CLDN16: variants seen among roughly 807,000 people sequenced by gnomAD.
The protein encoded by CLDN16 is claudin 16.
CLDN16 carries 13 observed loss-of-function variants against 24.6 expected under a neutral mutation model. The observed-to-expected ratio is 0.53, with a 90% CI of 0.34 to 0.84. The LOEUF is 0.84. Ranked by LOEUF, CLDN16 falls within the 40% of genes least tolerant of loss-of-function variation. CLDN16 has a pLI of 0.01. For synonymous variants in CLDN16, 116 were observed against 106.7 expected (o/e 1.09, Z -0.54); for missense variants, 298 against 292.7 (o/e 1.02, Z -0.13).
the CLDN16 span, among the ~76,000 whole-genome samples, chr3:190,302,779 A>ATAT: frequency 8.6e-5 from 12 of 140,180 alleles, no homozygotes; most frequent in African/African-American, 2.7e-4. Flanking sequence ...CTCAAAAAAA[A>ATAT]ATATATATAT....
At chr3:190,346,123 G>A (rs1160140520) in intron 1 of CLDN16, among the ~76,000 whole-genome samples, 2 of 152,030 alleles carry the variant, frequency 1.3e-5, no homozygotes, top group African/African-American at 4.8e-5. Context: ...AACCAGGAAG[G>A]AACTCCCTTA....
At chr3:190,350,323 T>G (rs1309085803) in intron 1 of CLDN16, among the ~76,000 whole-genome samples, 1 of 144,460 alleles carries the variant, frequency 6.9e-6, no homozygotes, top group Non-Finnish European at 1.5e-5. Context: ...ACTTGAAGTT[T>G]AAGAATCATA....
intron 1 of CLDN16, among the ~76,000 whole-genome samples, chr3:190,333,121 A>G (rs367674571): frequency 2.2e-4 from 33 of 152,304 alleles, no homozygotes; most frequent in African/African-American, 7.7e-4. Flanking sequence ...AGGTTGATAA[A>G]CAACTGAGAC....
chr3:190,317,022 C>CT, the CLDN16 span, among the ~76,000 whole-genome samples: 1 of 152,014 alleles, frequency 6.6e-6, no homozygotes, highest in South Asian at 2.1e-4. Flanking sequence ...AGTTTTGTTT[C>CT]TTTTTGCCCT....
At chr3:190,337,290 T>A (rs960065572) in intron 1 of CLDN16, among the ~76,000 whole-genome samples, 5 of 152,162 alleles carry the variant, frequency 3.3e-5, no homozygotes, top group Non-Finnish European at 5.9e-5. Flanking sequence ...AACAAAGCAA[T>A]GTTTTCATAT....
intron 3 of CLDN16, among the ~76,000 whole-genome samples, chr3:190,381,444 T>C (rs1343700854): frequency 6.6e-6 from 1 of 152,084 alleles, no homozygotes; most frequent in Non-Finnish European, 1.5e-5. Context: ...AAGGTTACCA[T>C]CACCTGCCAC....
intron 3 of CLDN16, among the ~76,000 whole-genome samples, chr3:190,379,258 A>T (rs1718308388): frequency 6.6e-6 from 1 of 152,082 alleles, no homozygotes; most frequent in Admixed American, 6.6e-5. Context: ...TATTAAAATG[A>T]TTAGCCTCTT....
chr3:190,300,069 C>T, the CLDN16 span, among the ~76,000 whole-genome samples: 2 of 152,170 alleles, frequency 1.3e-5, no homozygotes, highest in East Asian at 3.8e-4. Flanking sequence ...AAAACCAAAG[C>T]TCTATTGGCT....
At chr3:190,404,740 A>C (rs753155250) in intron 2 of CLDN16, 22 bp from the exon 3 acceptor site, 1 of 1,613,624 alleles carries the variant, frequency 6.2e-7, no homozygotes, top group Admixed American at 1.7e-5. Context: ...CTCTGCTTTA[A>C]CCATATGCCC....
chr3:190,361,541 A>G (rs1717887908), intron 1 of CLDN16, among the ~76,000 whole-genome samples: 1 of 151,952 alleles, frequency 6.6e-6, no homozygotes, highest in Non-Finnish European at 1.5e-5. Context: ...TAGCTACAAG[A>G]TTAGAAATTA....
intron 3 of CLDN16, among the ~76,000 whole-genome samples, chr3:190,375,030 A>G (rs1001780814): frequency 3.3e-5 from 5 of 151,952 alleles, no homozygotes; most frequent in Non-Finnish European, 7.4e-5. Context: ...ATATACTTAT[A>G]AAACTTTTAA....
At chr3:190,336,544 G>A (rs964518368) in intron 1 of CLDN16, among the ~76,000 whole-genome samples, 18 of 152,158 alleles carry the variant, frequency 1.2e-4, no homozygotes, top group African/African-American at 2.2e-4. Flanking sequence ...AAAGTTCCCC[G>A]TTTTCAGTGA....
the CLDN16 span, chr3:190,306,438 G>GTTAATTCC: frequency 4.6e-5 from 7 of 152,170 alleles, no homozygotes; most frequent in Non-Finnish European, 8.8e-5. Flanking sequence ...AACGTATGCA[G>GTTAATTCC]TTAATTCCTC....
intron 1 of CLDN16, among the ~76,000 whole-genome samples, chr3:190,362,649 T>A (rs1239336052): frequency 6.6e-6 from 1 of 152,010 alleles, no homozygotes; most frequent in African/African-American, 2.4e-5. Flanking sequence ...GGCAGTTACA[T>A]TAGTTCGCCT....
chr3:190,308,567 G>A, the CLDN16 span: 5 of 893,730 alleles, frequency 5.6e-6, no homozygotes, highest in East Asian at 1.1e-4. Context: ...ATATCCCTTG[G>A]GAAGTACTTT....
At chr3:190,355,947 T>TTTTACTTTTTAGAGTAAAAA (rs1427696126) in intron 1 of CLDN16, among the ~76,000 whole-genome samples, 1 of 151,672 alleles carries the variant, frequency 6.6e-6, no homozygotes, top group Non-Finnish European at 1.5e-5. Context: ...ATTGGTCAAT[T>TTTTACTTTTTAGAGTAAAAA]TTTACTTTTT....
the CLDN16 span, among the ~76,000 whole-genome samples, chr3:190,302,674 G>A: frequency 6.6e-6 from 1 of 151,858 alleles, no homozygotes. Flanking sequence ...GAGAGGCTTA[G>A]GCAGGAGAAT....
intron 1 of CLDN16, among the ~76,000 whole-genome samples, chr3:190,391,151 G>GA (rs61051594): frequency 7.0e-6 from 1 of 143,830 alleles, no homozygotes; most frequent in Non-Finnish European, 1.5e-5. Flanking sequence ...GATTTTTTAA[G>GA]AAAAAAAAGG....
At chr3:190,397,022 C>T (rs1051579367) in intron 1 of CLDN16, among the ~76,000 whole-genome samples, 2 of 152,152 alleles carry the variant, frequency 1.3e-5, no homozygotes, top group Admixed American at 6.5e-5. Flanking sequence ...GGAGCAGCCA[C>T]TCCTTTCTTG....
Sources: allele counts gnomAD v4.1 joint callset (sites outside exome capture counted in the v4.1 genomes callset), GRCh38; gene constraint gnomAD v4.1.1; transcripts MANE v1.5; gene names NCBI Gene and HGNC (gene_info 2026-07-23, HGNC 2026-07-21).